ESF1: variants seen among roughly 807,000 people sequenced by gnomAD.
The protein encoded by ESF1 is ESF1 homolog.
A neutral mutation model predicts 92.0 loss-of-function variants in ESF1; 58 were observed. That is an observed-to-expected ratio of 0.63 (90% CI 0.51 to 0.78). The LOEUF (loss-of-function observed/expected upper bound fraction) is 0.78, where lower values mean the gene tolerates loss of function less well. Among genes scored for constraint, ESF1 ranks in the 30% least tolerant of loss-of-function variants. The pLI is 0.00. For synonymous variants in ESF1, 321 were observed against 313.7 expected, an observed-to-expected ratio of 1.02 and a Z score of -0.24; for missense variants, 922 against 989.1, an observed-to-expected ratio of 0.93 and a Z score of 0.91.
intron 9 of ESF1, among the ~76,000 whole-genome samples, chr20:13,744,868 C>T (rs1012083044): frequency 6.6e-6 from 1 of 152,160 alleles, no homozygotes; most frequent in Non-Finnish European, 1.5e-5. Context: ...TTAATCACCA[C>T]CTGAGATTGC....
intron 2 of ESF1, among the ~76,000 whole-genome samples, chr20:13,778,257 G>A (rs1292578684): frequency 6.6e-6 from 1 of 152,112 alleles, no homozygotes; most frequent in Non-Finnish European, 1.5e-5. Flanking sequence ...CTAGCCAATA[G>A]AAGTGAAAAG....
intron 9 of ESF1, among the ~76,000 whole-genome samples, chr20:13,738,146 T>C (rs2049987603): frequency 6.6e-6 from 1 of 152,202 alleles, no homozygotes; most frequent in African/African-American, 2.4e-5. Context: ...GGCCATTTTT[T>C]CCTCCTTGGT....
At chr20:13,735,157 T>C (rs1446024609) in intron 9 of ESF1, among the ~76,000 whole-genome samples, 1 of 151,924 alleles carries the variant, frequency 6.6e-6, no homozygotes, top group African/African-American at 2.4e-5. Context: ...AAAGTAAAAA[T>C]ATATAAAACA....
intron 9 of ESF1, among the ~76,000 whole-genome samples, chr20:13,749,521 T>C (rs1374310979): frequency 6.6e-6 from 1 of 152,102 alleles, no homozygotes; most frequent in Non-Finnish European, 1.5e-5. Context: ...AGATAAAAGT[T>C]TTCCACATCA....
rs537408966 is a variant in ESF1, at chr20:13,784,503, A to AT, written c.-44+376dup. 6.6e-4 allele frequency among the ~76,000 whole-genome samples: 101 copies of AT among 152,288 alleles called. 1 individual carries two copies. The highest frequency in any genetic ancestry group is 2.2e-3 in the African/African-American group (93 of 41,556). On this transcript the variant is annotated intron_variant, in intron 1 of 13. Coordinates refer to ENST00000617257, the MANE Select transcript of ESF1 (RefSeq NM_001276380.2). ...GTAAATGTTTAGAAGGAAAGCACTC[A>AT]TTATATGTCAGATAATCCGAGAGAG...
intron 11 of ESF1, among the ~76,000 whole-genome samples, chr20:13,726,263 T>C (rs550048497): frequency 6.6e-6 from 1 of 152,334 alleles, no homozygotes; most frequent in East Asian, 1.9e-4. Flanking sequence ...AAGTAAAATC[T>C]AAATTTGTTG....
intron 9 of ESF1, among the ~76,000 whole-genome samples, chr20:13,748,593 T>TATATATA (rs1466247619): frequency 1.7e-4 from 2 of 11,818 alleles, no homozygotes; most frequent in Admixed American, 1.5e-3. Flanking sequence ...TATATATATA[T>TATATATA]TTTTTTTTTT....
chr20:13,772,576 C>G lies in ESF1; in HGVS notation c.1189G>C (p.Glu397Gln), dbSNP rs1377436425. The G allele has an allele frequency of 6.2e-7, 1 of 1,612,846 alleles. No homozygotes were observed. Among genetic ancestry groups the G allele is most frequent in the East Asian group, 2.2e-5 (1 of 44,802 alleles). The change falls in exon 5 of 14, where the codon GAG becomes CAG. Residue 397 changes from glutamate (E) to glutamine (Q), a missense_variant. Glu to Gln is a conservative substitution (Grantham distance 29). Coordinates refer to ENST00000617257, the MANE Select transcript of ESF1 (RefSeq NM_001276380.2). ...SEFGKERMKE[E>Q]QVQGPVELLS... The stretch of plus-strand genomic sequence containing the variant: ...AGCTCTACTGGTCCTTGAACTTGCT[C>G]TTCCTTCATCCTCTCCTTTCCAAAT...
intron 8 of ESF1, among the ~76,000 whole-genome samples, chr20:13,764,222 T>C (rs1438003400): frequency 6.6e-6 from 1 of 152,240 alleles, no homozygotes; most frequent in East Asian, 1.9e-4. Flanking sequence ...TCACTTTCTG[T>C]CAGCATTAAA....
intron 4 of ESF1, among the ~76,000 whole-genome samples, chr20:13,773,967 C>T (rs943102470): frequency 8.6e-5 from 13 of 151,830 alleles, no homozygotes; most frequent in African/African-American, 2.9e-4. Flanking sequence ...TGGTGGTGGG[C>T]GCCTGTAGTC....
At chr20:13,745,228 C>G (rs1343816063) in intron 9 of ESF1, among the ~76,000 whole-genome samples, 1 of 152,122 alleles carries the variant, frequency 6.6e-6, no homozygotes, top group Non-Finnish European at 1.5e-5. Context: ...ATGTTACAAC[C>G]AAGAAATTCT....
intron 6 of ESF1, 121 bp downstream of exon 6, chr20:13,771,210 A>G (rs1979666087): frequency 2.0e-5 from 18 of 892,914 alleles, no homozygotes; most frequent in South Asian, 1.4e-4. Context: ...GATAGAGTTA[A>G]CCGAAAAGCA....
intron 9 of ESF1, among the ~76,000 whole-genome samples, chr20:13,734,340 T>A (rs1205989310): frequency 6.6e-6 from 1 of 152,188 alleles, no homozygotes; most frequent in African/African-American, 2.4e-5. Context: ...AAAAATTGTT[T>A]AGTAAGGAAT....
chr20:13,747,516 G>C (rs1459487841), intron 9 of ESF1, among the ~76,000 whole-genome samples: 1 of 150,944 alleles, frequency 6.6e-6, no homozygotes, highest in African/African-American at 2.4e-5. Flanking sequence ...AGTGAGCCGA[G>C]ATGGCACCAC....
intron 5 of ESF1, among the ~76,000 whole-genome samples, 154 bp downstream of exon 5, chr20:13,772,361 C>A (rs986849797): frequency 6.6e-6 from 1 of 151,996 alleles, no homozygotes; most frequent in Non-Finnish European, 1.5e-5. Context: ...AATAATGTAC[C>A]ACTTTTAACA....
Position 13,728,332 on chromosome 20 carries a change from T to C in ESF1, c.2038+46A>G. 3 of 1,466,492 alleles carry C rather than the reference T, an allele frequency of 2.0e-6. No homozygotes were observed. The African/African-American group carries it at 4.2e-5, about 21-fold the overall frequency. 90.8% of individuals were successfully genotyped at this position (1,466,492 alleles called of 1,614,324 possible). A position where few individuals can be genotyped will look rare whatever the true frequency, so the allele number is the denominator to read the frequency against. Reference sequence around the variant, plus strand: ...TATATTGCTTCCATGTACCTCACCTTTTTCTTTAGATTCCAGTTGAAAACT... The same window carrying C: ...TATATTGCTTCCATGTACCTCACCTCTTTCTTTAGATTCCAGTTGAAAACT... On this transcript the variant is annotated intron_variant, in intron 11 of 13. Coordinates refer to ENST00000617257, the MANE Select transcript of ESF1 (RefSeq NM_001276380.2).
chr20:13,756,533 C>A (rs1366975422), intron 9 of ESF1, among the ~76,000 whole-genome samples: 1 of 152,154 alleles, frequency 6.6e-6, no homozygotes, highest in East Asian at 1.9e-4. Flanking sequence ...TATTCATGCC[C>A]TTTCTTAGTA....
chr20:13,774,768 A>G (rs1405866350), intron 4 of ESF1, among the ~76,000 whole-genome samples: 1 of 152,220 alleles, frequency 6.6e-6, no homozygotes, highest in African/African-American at 2.4e-5. Context: ...TTTACTTCAC[A>G]TAGGTCATTT....
At chr20:13,779,365 G>A (rs963871496) in intron 2 of ESF1, among the ~76,000 whole-genome samples, 3 of 152,040 alleles carry the variant, frequency 2.0e-5, no homozygotes, top group Admixed American at 6.6e-5. Context: ...AAGATAACTG[G>A]TTATTTTAGT....
Sources: gnomAD v4.1 joint callset for allele counts (sites outside exome capture counted in the v4.1 genomes callset) on GRCh38, gnomAD v4.1.1 for gene constraint, MANE v1.5 for transcripts, NCBI Gene and HGNC (gene_info 2026-07-23, HGNC 2026-07-21) for gene names.